Variants in SEL1L2 observed in about 807,000 individuals in gnomAD.
SEL1L2 encodes SEL1L2 adaptor subunit of SYVN1 ubiquitin ligase.
SEL1L2 carries 89 observed loss-of-function variants against 98.8 expected under a neutral mutation model. The ratio of observed to expected loss-of-function variants is 0.90; its 90% CI spans 0.76 to 1.07. The LOEUF is 1.07. Ranked by LOEUF, SEL1L2 falls within the 50% of genes least tolerant of loss-of-function variation. SEL1L2 has a pLI of 0.00. For missense variants in SEL1L2, 788 were observed against 812.0 expected (o/e 0.97, Z 0.36); for synonymous variants, 262 against 278.5 (o/e 0.94, Z 0.59).
At chr20:13,934,084 G>A (rs74529477) in intron 2 of SEL1L2, among the ~76,000 whole-genome samples, 1 of 149,432 alleles carries the variant, frequency 6.7e-6, no homozygotes, top group South Asian at 2.1e-4. Context: ...CAGTATACAC[G>A]GAACCCAATT....
intron 3 of SEL1L2, among the ~76,000 whole-genome samples, chr20:13,926,112 A>G (rs2048883004): frequency 1.3e-5 from 2 of 152,116 alleles, no homozygotes. Context: ...AGGTCAGGAG[A>G]TTGAGACCAT....
At chr20:13,940,628 T>C (rs539235917) in intron 2 of SEL1L2, among the ~76,000 whole-genome samples, 119 of 152,330 alleles carry the variant, frequency 7.8e-4, no homozygotes, top group Middle Eastern at 3.4e-3. Context: ...GAACAGATTA[T>C]ACAGCATCAT....
chr20:13,899,464 A>G (rs1395604521), intron 5 of SEL1L2, among the ~76,000 whole-genome samples: 1 of 152,208 alleles, frequency 6.6e-6, no homozygotes, highest in African/African-American at 2.4e-5. Context: ...TCACTTAACC[A>G]GCATTTACTA....
rs776613990 is a variant in SEL1L2 at position 13,885,423 on chromosome 20, A to C, written c.901-20T>G. The C allele has an allele frequency of 1.2e-5, 19 of 1,534,928 alleles. No individual in the cohort carries two copies. Among genetic ancestry groups the C allele is most frequent in the Non-Finnish European group, 1.7e-5 (19 of 1,108,130 alleles). On this transcript the variant is annotated intron_variant, in intron 9 of 19. Coordinates refer to ENST00000284951, the MANE Select transcript of SEL1L2 (RefSeq NM_025229.2). ...AGAGACCTAGGAATGATGAGTTTGG[A>C]AATGATTTTAGCAGCAGTATTACTT...
At chr20:13,875,931 G>A (rs1299613433) in intron 12 of SEL1L2, 107 bp downstream of exon 12, 5 of 815,924 alleles carry the variant, frequency 6.1e-6, no homozygotes, top group Non-Finnish European at 1.1e-5. Context: ...CTCCTTACAG[G>A]CCCATTATCT....
chr20:13,865,427 A>G lies in SEL1L2; in HGVS notation c.1492T>C (p.Ser498Pro), dbSNP rs761318808. 1.2e-6 allele frequency: 2 copies of G among 1,614,140 alleles called. No individual in the cohort carries two copies. Among genetic ancestry groups the G allele is most frequent in the South Asian group, 1.1e-5 (1 of 91,086 alleles). Residue 498 changes from serine to proline, a missense_variant, in exon 16 of 20, where the codon TCT (serine) becomes CCT (proline). Coordinates refer to ENST00000284951, the MANE Select transcript of SEL1L2 (RefSeq NM_025229.2). ...FAYKDGDIDS[S>P]LVQYALLAEM... ...GCAAGCAGTGCATACTGAACAAGAGAAGAATCTATATCACCATCCTTATAG... is the reference window on the plus strand; with the variant it reads ...GCAAGCAGTGCATACTGAACAAGAGGAGAATCTATATCACCATCCTTATAG...
At chr20:13,929,271 T>G (rs968436921) in intron 3 of SEL1L2, among the ~76,000 whole-genome samples, 2 of 151,968 alleles carry the variant, frequency 1.3e-5, no homozygotes, top group African/African-American at 2.4e-5. Context: ...TTTTTTTTAA[T>G]CTTTTTCTGG....
chr20:13,983,046 A>AAAAAAAAAAAAAAAAAAAAAAAAAAAC (rs2051933722), intron 1 of SEL1L2, among the ~76,000 whole-genome samples: 3 of 145,524 alleles, frequency 2.1e-5, no homozygotes, highest in African/African-American at 5.0e-5. Context: ...AAAAAAAAAA[A>AAAAAAAAAAAAAAAAAAAAAAAAAAAC]AAGCAGCAGC....
intron 2 of SEL1L2, among the ~76,000 whole-genome samples, chr20:13,936,839 A>G (rs534066627): frequency 3.0e-4 from 46 of 152,352 alleles, no homozygotes; most frequent in African/African-American, 1.0e-3. Context: ...TTCACACTGG[A>G]TAAGTTTTTC....
intron 18 of SEL1L2, among the ~76,000 whole-genome samples, chr20:13,855,551 T>C (rs1989017673): frequency 6.6e-6 from 1 of 152,212 alleles, no homozygotes; most frequent in Non-Finnish European, 1.5e-5. Context: ...CAAATTTTAA[T>C]GGCTTAACAC....
chr20:13,990,581 G>A lies in SEL1L2; in HGVS notation c.-47C>T, dbSNP rs539795123. 2.8e-5 allele frequency: 41 copies of A among 1,470,804 alleles called. No individual in the cohort carries two copies. In the South Asian group the frequency reaches 4.6e-4, roughly 17 times the overall value. 91.1% of individuals were successfully genotyped at this position (1,470,804 alleles called of 1,614,324 possible). A position where few individuals can be genotyped will look rare whatever the true frequency, so the allele number is the denominator to read the frequency against. Reference sequence around the variant, plus strand: ...TCACTGTAACACAGGCAGAAACTAGGTGATTGGCCCAAGAGCTCCTCTTCT... The same window carrying A: ...TCACTGTAACACAGGCAGAAACTAGATGATTGGCCCAAGAGCTCCTCTTCT... On this transcript the variant is annotated 5_prime_UTR_variant, in exon 1 of 20. Coordinates refer to ENST00000284951, the MANE Select transcript of SEL1L2 (RefSeq NM_025229.2).
intron 10 of SEL1L2, among the ~76,000 whole-genome samples, chr20:13,881,859 A>C (rs1027601963): frequency 2.0e-5 from 3 of 152,210 alleles, no homozygotes; most frequent in African/African-American, 4.8e-5. Context: ...GGTGGTCTTC[A>C]GGCTGAGGAC....
At chr20:13,917,986 T>G (rs1007568612) in intron 4 of SEL1L2, among the ~76,000 whole-genome samples, 23 of 151,774 alleles carry the variant, frequency 1.5e-4, no homozygotes, top group Non-Finnish European at 2.9e-5. Context: ...AGACGGGGTT[T>G]CACCATATTG....
intron 2 of SEL1L2, among the ~76,000 whole-genome samples, chr20:13,934,599 T>A (rs1205243276): frequency 4.1e-5 from 6 of 148,026 alleles, no homozygotes; most frequent in African/African-American, 1.2e-4. Flanking sequence ...CTTTTTTGTA[T>A]AATGACTTCT....
At chr20:13,899,822 C>T (rs1383850549) in intron 5 of SEL1L2, among the ~76,000 whole-genome samples, 1 of 152,098 alleles carries the variant, frequency 6.6e-6, no homozygotes, top group Admixed American at 6.5e-5. Context: ...TGAGATTAAG[C>T]TACAAAAATG....
At chr20:13,875,055 G>T (rs535815288) in intron 12 of SEL1L2, among the ~76,000 whole-genome samples, 1 of 152,270 alleles carries the variant, frequency 6.6e-6, no homozygotes, top group Middle Eastern at 3.4e-3. Flanking sequence ...CTTCGATGCA[G>T]GAGGCATATT....
intron 1 of SEL1L2, among the ~76,000 whole-genome samples, chr20:13,972,547 C>T (rs2148513314): frequency 6.6e-6 from 1 of 152,262 alleles, no homozygotes; most frequent in East Asian, 1.9e-4. Flanking sequence ...TTTGCTGGAG[C>T]ATGTCTTCTA....
chr20:13,914,372 A>G (rs921384851), intron 4 of SEL1L2, among the ~76,000 whole-genome samples: 1 of 152,192 alleles, frequency 6.6e-6, no homozygotes, highest in African/African-American at 2.4e-5. Context: ...GAATAATCAA[A>G]ATTGGAATGT....
At chr20:13,903,534 G>C (rs910229892) in intron 5 of SEL1L2, among the ~76,000 whole-genome samples, 1 of 152,160 alleles carries the variant, frequency 6.6e-6, no homozygotes, top group African/African-American at 2.4e-5. Context: ...CAACACTCTA[G>C]TCTTTGCTAT....
Sources: gnomAD v4.1 joint callset for allele counts (sites outside exome capture counted in the v4.1 genomes callset) on GRCh38, gnomAD v4.1.1 for gene constraint, MANE v1.5 for transcripts, NCBI Gene and HGNC (gene_info 2026-07-23, HGNC 2026-07-21) for gene names.